The following KCNIP4 variants were observed in gnomAD, a reference collection of about 807,000 sequenced individuals.
KCNIP4 encodes the protein potassium voltage-gated channel interacting protein 4, also known as Kv channel-interacting protein 4.
Under a neutral mutation model 34.0 loss-of-function variants are expected in KCNIP4, and 12 were observed. The ratio of observed to expected loss-of-function variants is 0.35; its 90% CI spans 0.23 to 0.57. The LOEUF (loss-of-function observed/expected upper bound fraction) is 0.57, where lower values mean the gene tolerates loss of function less well. Ranked by LOEUF, KCNIP4 falls within the 20% of genes least tolerant of loss-of-function variation. The pLI is 0.83. For synonymous variants in KCNIP4, 124 were observed against 102.2 expected (o/e 1.21, Z -1.29); for missense variants, 238 against 311.7 (o/e 0.76, Z 1.78).
At chr4:21,504,475 A>AAAAAAAAAAAAAAAAAAG (rs1264431211) in intron 1 of KCNIP4, among the ~76,000 whole-genome samples, 66 of 101,820 alleles carry the variant, frequency 6.5e-4, no homozygotes, top group Non-Finnish European at 8.1e-4. Flanking sequence ...CAAAAAAAAA[A>AAAAAAAAAAAAAAAAAAG]AAAGAAAGAA....
rs144440285 is a variant in KCNIP4 at position 21,137,871 on chromosome 4, C to CTT, written c.62-255164_62-255163dup. Among the ~76,000 whole-genome samples, 61 of 118,166 alleles carry CTT rather than the reference C, an allele frequency of 5.2e-4. 1 individual carries two copies. In the East Asian group the frequency reaches 6.1e-3, roughly 12 times the overall value. The allele number at this position is 118,166 out of a possible 152,430, so 77.5% of individuals were successfully genotyped here. ...ATGAAGGCTTTTTCCCTTACACAGGCTTTTTTGTTTTTTTTTTTTTGATGG... is the reference window on the plus strand; with the variant it reads ...ATGAAGGCTTTTTCCCTTACACAGGCTTTTTTTTGTTTTTTTTTTTTTGATGG... On this transcript the variant is annotated intron_variant, in intron 1 of 8. Coordinates refer to ENST00000382152, the MANE Select transcript of KCNIP4 (RefSeq NM_025221.6).
chr4:20,916,067 C>T (rs1728780751), intron 1 of KCNIP4, among the ~76,000 whole-genome samples: 2 of 152,054 alleles, frequency 1.3e-5, no homozygotes, highest in Admixed American at 1.3e-4. Context: ...ATTCCTGAAG[C>T]AGACAGCTTC....
chr4:21,018,684 T>A (rs1250696217), intron 1 of KCNIP4, among the ~76,000 whole-genome samples: 1 of 152,160 alleles, frequency 6.6e-6, no homozygotes, highest in Non-Finnish European at 1.5e-5. Flanking sequence ...ACTTGCATCA[T>A]AATTTGATTG....
intron 1 of KCNIP4, among the ~76,000 whole-genome samples, chr4:21,698,415 C>A (rs897000862): frequency 1.3e-5 from 2 of 152,146 alleles, no homozygotes; most frequent in Admixed American, 6.5e-5. Flanking sequence ...TTCAAAAAGG[C>A]AAACACAACC....
chr4:20,822,439 G>A (rs1195198082), intron 3 of KCNIP4, among the ~76,000 whole-genome samples: 1 of 152,152 alleles, frequency 6.6e-6, no homozygotes, highest in Non-Finnish European at 1.5e-5. Flanking sequence ...GGTTGGTGAG[G>A]ATTGGTGAAA....
At chr4:21,947,961 C>T (rs1560196324) in intron 1 of KCNIP4, among the ~76,000 whole-genome samples, 2 of 152,344 alleles carry the variant, frequency 1.3e-5, no homozygotes, top group Admixed American at 6.5e-5. Context: ...ACACAGTGCC[C>T]GATACCTTAA....
chr4:20,900,809 GA>G (rs55833639), intron 1 of KCNIP4, among the ~76,000 whole-genome samples: 94 of 144,120 alleles, frequency 6.5e-4, no homozygotes, highest in South Asian at 4.0e-3. Flanking sequence ...ATCATAAAAA[GA>G]AAAAAAAAAC....
chr4:21,757,156 AAAG>A (rs1560691115), intron 1 of KCNIP4, among the ~76,000 whole-genome samples: 836 of 28,118 alleles, frequency 0.03, 12 homozygotes, highest in Non-Finnish European at 0.044. Context: ...AGAAAGAAAG[AAAG>A]AAAGAAAGAA....
At chr4:20,874,868 C>G (rs970571307) in intron 2 of KCNIP4, among the ~76,000 whole-genome samples, 2 of 152,048 alleles carry the variant, frequency 1.3e-5, no homozygotes, top group Non-Finnish European at 2.9e-5. Context: ...ACGATAGGGC[C>G]AATTGGTATT....
chr4:21,609,796 C>T (rs1744008798), intron 1 of KCNIP4, among the ~76,000 whole-genome samples: 1 of 152,192 alleles, frequency 6.6e-6, no homozygotes. Context: ...GAGCACCCTA[C>T]TATGTGCTAA....
chr4:21,780,028 C>T lies in KCNIP4; in HGVS notation c.61+168543G>A, dbSNP rs149573264. Among the ~76,000 whole-genome samples the T allele has an allele frequency of 1.6e-3, 250 of 151,968 alleles. 2 individuals carry two copies. The highest frequency in any genetic ancestry group is 5.7e-3 in the African/African-American group (235 of 41,444). ...AGACACAGTGATTTAAGAAGGAACT[C>T]GGATGCTTAGTAAATATTATGAAGA... On this transcript the variant is annotated intron_variant, in intron 1 of 8. Transcript: ENST00000382152.
chr4:21,109,374 T>G (rs4393993), intron 1 of KCNIP4, among the ~76,000 whole-genome samples: 6 of 150,848 alleles, frequency 4.0e-5, no homozygotes, highest in Non-Finnish European at 8.9e-5. Context: ...TAGCAATCAG[T>G]GAGACTCCTT....
chr4:21,944,225 G>T (rs1385789947), intron 1 of KCNIP4, among the ~76,000 whole-genome samples: 1 of 151,736 alleles, frequency 6.6e-6, no homozygotes, highest in East Asian at 1.9e-4. Context: ...GCACAAAATG[G>T]GCAAAAAGAG....
At chr4:21,422,695 A>C (rs1185008817) in intron 1 of KCNIP4, among the ~76,000 whole-genome samples, 2 of 149,548 alleles carry the variant, frequency 1.3e-5, no homozygotes, top group East Asian at 3.9e-4. Flanking sequence ...GTGTGTCTGC[A>C]TATGTGCTTG....
chr4:21,493,076 T>A (rs572551367), intron 1 of KCNIP4, among the ~76,000 whole-genome samples: 53 of 152,300 alleles, frequency 3.5e-4, no homozygotes, highest in African/African-American at 1.2e-3. Flanking sequence ...TTTCTCGTCT[T>A]TGGATTTCCC....
intron 1 of KCNIP4, chr4:21,762,915 A>T (rs1271170251): frequency 7.8e-7 from 1 of 1,287,508 alleles, no homozygotes; most frequent in Non-Finnish European, 1.0e-6. Flanking sequence ...GGAGGGAAGG[A>T]CTCACATGAT....
chr4:20,961,513 T>C (rs2149660494), intron 1 of KCNIP4, among the ~76,000 whole-genome samples: 1 of 152,318 alleles, frequency 6.6e-6, no homozygotes, highest in South Asian at 2.1e-4. Context: ...AAAAAGAGTG[T>C]GCATTTGGAA....
At chr4:21,308,922 C>A (rs545129299) in intron 1 of KCNIP4, among the ~76,000 whole-genome samples, 16 of 151,472 alleles carry the variant, frequency 1.1e-4, no homozygotes, top group African/African-American at 3.6e-4. Context: ...TCAGGCTCTA[C>A]TGCTGCATGA....
intron 1 of KCNIP4, among the ~76,000 whole-genome samples, chr4:21,646,349 C>T (rs563378470): frequency 2.7e-4 from 41 of 152,234 alleles, no homozygotes; most frequent in Admixed American, 2.3e-3. Flanking sequence ...TGCTTACCTA[C>T]AGAAGTTAAG....
Sources: allele counts gnomAD v4.1 joint callset (sites outside exome capture counted in the v4.1 genomes callset), GRCh38; gene constraint gnomAD v4.1.1; transcripts MANE v1.5; gene names NCBI Gene and HGNC (gene_info 2026-07-23, HGNC 2026-07-21).